Variants in PTGDS observed in about 807,000 individuals in gnomAD.
PTGDS encodes prostaglandin-H2 D-isomerase.
PTGDS carries 21 observed loss-of-function variants against 28.4 expected under a neutral mutation model. The ratio of observed to expected loss-of-function variants is 0.74; its 90% CI spans 0.52 to 1.07. The LOEUF is 1.07. PTGDS is among the 50% of genes least tolerant of loss of function. The probability of loss-of-function intolerance (pLI) is 0.00; values close to 1 mark genes in which losing one functional copy is unlikely to be tolerated. For missense variants in PTGDS, 243 were observed against 247.7 expected (o/e 0.98, Z 0.13); for synonymous variants, 102 against 106.0 (o/e 0.96, Z 0.23).
At chr9:136,979,571 A>T (rs1292106417) in intron 3 of PTGDS, 2 of 1,014,418 alleles carry the variant, frequency 2.0e-6, no homozygotes, top group Non-Finnish European at 2.8e-6. Context: ...TCCCCACATA[A>T]GCAGCCCCCC....
chr9:136,979,866 C>A, intron 3 of PTGDS, 80 bp from the exon 4 acceptor site: 1 of 1,365,932 alleles, frequency 7.3e-7, no homozygotes, highest in Non-Finnish European at 1.0e-6. Context: ...CCCCAAAGCC[C>A]ACAGGTGCAC....
intron 5 of PTGDS, 91 bp downstream of exon 5, chr9:136,980,375 G>GT: frequency 7.1e-7 from 1 of 1,407,540 alleles, no homozygotes; most frequent in South Asian, 1.2e-5. Context: ...AGGGGAGGAG[G>GT]TGGCCCCGCC....
chr9:136,979,922 C>A (rs369826322), intron 3 of PTGDS, 24 bp from the exon 4 acceptor site: 6 of 1,604,708 alleles, frequency 3.7e-6, no homozygotes, highest in Non-Finnish European at 5.1e-6. Context: ...GAGTCCCCGA[C>A]AGGGTTGTCT....
chr9:136,981,314 G>A (rs1830445937), intron 6 of PTGDS, among the ~76,000 whole-genome samples: 1 of 152,094 alleles, frequency 6.6e-6, no homozygotes, highest in Non-Finnish European at 1.5e-5. Context: ...GCAGGCTCAG[G>A]GCGGATTCAC....
chr9:136,980,960 C>T, intron 6 of PTGDS, 105 bp downstream of exon 6: 1 of 1,444,374 alleles, frequency 6.9e-7, no homozygotes, highest in Non-Finnish European at 9.2e-7. Context: ...CCAGGACAGC[C>T]TGGTGCTGCA....
intron 4 of PTGDS, 40 bp from the exon 5 acceptor site, chr9:136,980,143 C>A (rs758904136): frequency 6.2e-7 from 1 of 1,600,988 alleles, no homozygotes; most frequent in East Asian, 2.2e-5. Flanking sequence ...CACACAGCAT[C>A]CCCCCCGCTG....
intron 1 of PTGDS, 73 bp downstream of exon 1, chr9:136,977,765 CTTCCCCCTGGGAGGAGTGA>C: frequency 7.4e-7 from 1 of 1,348,850 alleles, no homozygotes; most frequent in South Asian, 1.3e-5. Context: ...CCGGCTGGGT[CTTCCCCCTGGGAGGAGTGA>C]GCGAAGTCCC....
At chr9:136,981,020 G>C (rs1830442749) in intron 6 of PTGDS, 165 bp downstream of exon 6, 2 of 1,022,166 alleles carry the variant, frequency 2.0e-6, no homozygotes, top group African/African-American at 3.3e-5. Flanking sequence ...GGAGACACTG[G>C]GGCTGCCCAC....
intron 6 of PTGDS, chr9:136,981,140 G>A: frequency 2.0e-6 from 1 of 489,714 alleles, no homozygotes; most frequent in Non-Finnish European, 3.6e-6. Flanking sequence ...GAGGCCCCAG[G>A]CAGACAAGGC....
chr9:136,980,534 G>C, intron 5 of PTGDS: 2 of 1,029,392 alleles, frequency 1.9e-6, no homozygotes, highest in Non-Finnish European at 1.4e-6. Context: ...CCAGGATGTG[G>C]GGCTTCAGCC....
At chr9:136,978,040 G>C (rs144528676) in intron 1 of PTGDS, among the ~76,000 whole-genome samples, 2 of 152,338 alleles carry the variant, frequency 1.3e-5, no homozygotes, top group Admixed American at 1.3e-4. Context: ...ACACGGGCGG[G>C]TGGGGCACAG....
intron 5 of PTGDS, 69 bp from the exon 6 acceptor site, chr9:136,980,764 G>A (rs533384772): frequency 1.4e-5 from 23 of 1,613,952 alleles, no homozygotes; most frequent in Admixed American, 1.0e-4. Context: ...GGGAGGAACA[G>A]GAAGCCCAGT....
chr9:136,979,808 G>C, intron 3 of PTGDS, 138 bp from the exon 4 acceptor site: 1 of 828,900 alleles, frequency 1.2e-6, no homozygotes, highest in South Asian at 1.4e-5. Flanking sequence ...ACTGGCTGGA[G>C]AGCAGCCGGG....
chr9:136,981,162 A>C, intron 6 of PTGDS: 3 of 398,236 alleles, frequency 7.5e-6, no homozygotes, highest in Non-Finnish European at 1.3e-5. Flanking sequence ...AAGGGGCTAT[A>C]CCACAGGGAC....
At chr9:136,978,136 G>T (rs1022249174) in intron 1 of PTGDS, among the ~76,000 whole-genome samples, 1 of 152,144 alleles carries the variant, frequency 6.6e-6, no homozygotes, top group African/African-American at 2.4e-5. Context: ...TCTCGCCCGG[G>T]AGCTGCTCGG....
chr9:136,980,790 A>C (rs1486601821), intron 5 of PTGDS, 43 bp from the exon 6 acceptor site: 1 of 1,613,976 alleles, frequency 6.2e-7, no homozygotes, highest in South Asian at 1.1e-5. Context: ...AATTGGCCTA[A>C]GTCTGGGGTT....
Position 136,978,979 on chromosome 9 carries a change from G to T in PTGDS, c.115-14G>T. ...AGGGTCCTGGCCGACGCGGGTGGGGGTCGCTCGCCGCAGTTCCTGGGGCGC... is the reference window on the plus strand; with the variant it reads ...AGGGTCCTGGCCGACGCGGGTGGGGTTCGCTCGCCGCAGTTCCTGGGGCGC... On this transcript the variant is annotated splice_polypyrimidine_tract_variant and intron_variant, in intron 1 of 6. Transcript: ENST00000371625. 2 of 1,603,430 alleles carry T rather than the reference G, an allele frequency of 1.2e-6. No individual in the cohort carries two copies. Among genetic ancestry groups the T allele is most frequent in the Non-Finnish European group, 8.5e-7 (1 of 1,178,264 alleles).
chr9:136,978,965 C>T (rs1446206183), intron 1 of PTGDS, 28 bp from the exon 2 acceptor site: 1 of 1,599,094 alleles, frequency 6.3e-7, no homozygotes. Context: ...GGGTCCTGGC[C>T]GACGCGGGTG....
chr9:136,977,727 C>CAGG, intron 1 of PTGDS, 35 bp downstream of exon 1: 1 of 1,513,746 alleles, frequency 6.6e-7, no homozygotes, highest in Non-Finnish European at 8.9e-7. Context: ...CCAAGGGCTA[C>CAGG]AGGACCCTGT....
Sources: gnomAD v4.1 joint callset for allele counts (sites outside exome capture counted in the v4.1 genomes callset) on GRCh38, gnomAD v4.1.1 for gene constraint, MANE v1.5 for transcripts, NCBI Gene and HGNC (gene_info 2026-07-23, HGNC 2026-07-21) for gene names.